The following PKN3 variants were observed in gnomAD, a reference collection of about 807,000 sequenced individuals.
The protein encoded by PKN3 is serine/threonine-protein kinase N3.
In PKN3, 91 loss-of-function variants were observed where a neutral mutation model predicts 113.1. That is an observed-to-expected ratio of 0.80 (90% CI 0.68 to 0.96). PKN3 has a LOEUF of 0.96. Ranked by LOEUF, PKN3 falls within the 40% of genes least tolerant of loss-of-function variation. The pLI, the probability that PKN3 is intolerant of heterozygous loss-of-function variation, is 0.00. For missense variants in PKN3, 1,052 were observed against 1,202.2 expected, an observed-to-expected ratio of 0.88 and a Z score of 1.85; for synonymous variants, 467 against 499.0, an observed-to-expected ratio of 0.94 and a Z score of 0.85.
Position 128,707,366 on chromosome 9 carries a change from C to T in PKN3, c.796C>T (p.Gln266Ter). 6.2e-7 allele frequency: 1 copy of T among 1,613,060 alleles called. No individual in the cohort carries two copies. The highest frequency in any genetic ancestry group is 8.5e-7 in the Non-Finnish European group (1 of 1,179,610). ...GCGGGCTGCGGTGCCTGGATACCCC[C>T]AGCCTTCAGGGACACCTGTGAAGCC... Reference protein sequence around the residue: ...ELRAAVPGYPQPSGTPVKPTA... With the variant: ...ELRAAVPGYP The change falls in exon 6 of 22, where the codon CAG (glutamine) becomes TAG (stop). Residue 266 changes from glutamine (Q) to a stop codon, truncating the protein, a stop_gained. Coordinates refer to ENST00000291906, the MANE Select transcript of PKN3 (RefSeq NM_013355.5). LOFTEE classifies it high-confidence loss of function.
intron 18 of PKN3, among the ~76,000 whole-genome samples, chr9:128,719,478 C>T (rs550385141): frequency 5.8e-4 from 88 of 152,178 alleles, no homozygotes; most frequent in Non-Finnish European, 1.1e-3. Flanking sequence ...TGTGAGCCAC[C>T]GCACCCAGCC....
intron 1 of PKN3, chr9:128,704,105 T>G (rs1861938463): frequency 1.0e-6 from 1 of 985,216 alleles, no homozygotes; most frequent in Non-Finnish European, 1.2e-6. Flanking sequence ...TCCACTGGGC[T>G]CAGGAGAAGA....
At chr9:128,709,238 A>C (rs753363343) in intron 6 of PKN3, among the ~76,000 whole-genome samples, 11 of 151,316 alleles carry the variant, frequency 7.3e-5, no homozygotes, top group Non-Finnish European at 1.6e-4. Flanking sequence ...GTGAGCCGAG[A>C]TCGCACCACT....
Position 128,713,606 on chromosome 9 carries a change from C to T in PKN3, c.1200C>T (p.Ser400=). The T allele has an allele frequency of 6.2e-7, 1 of 1,613,810 alleles. No individual in the cohort carries two copies. Among genetic ancestry groups the T allele is most frequent in the Non-Finnish European group, 8.5e-7 (1 of 1,180,008 alleles). Residue 400 remains serine (S), a synonymous_variant, in exon 9 of 22, where the codon TCC becomes TCT. Transcript: ENST00000291906. ...DFLDNACHQL[S]LSLVPQGLLF... ...TGGACAATGCCTGTCACCAACTGTC[C>T]CTCAGCCTGGTACCGCAGGGACTGC... is the stretch of plus-strand genomic sequence containing the variant.
rs1862479550 is a variant in PKN3, at chr9:128,719,987, G to A, written c.2346G>A (p.Leu782=). ...TGGACGCCCCCTACCCCGGCTTTCTGTCGGTGCAAGGGCTTGAGTTCATTC... is the reference window on the plus strand; with the variant it reads ...TGGACGCCCCCTACCCCGGCTTTCTATCGGTGCAAGGGCTTGAGTTCATTC... ...VNMDAPYPGF[L]SVQGLEFIQK... is the part of the protein sequence containing the mutation. Residue 782 remains leucine (L), a synonymous_variant, in exon 20 of 22, where the codon CTG becomes CTA. Transcript: ENST00000291906. 1.2e-5 allele frequency: 19 copies of A among 1,614,012 alleles called. No homozygotes were observed. Among genetic ancestry groups the A allele is most frequent in the Non-Finnish European group, 1.6e-5 (19 of 1,179,996 alleles).
At position 128,718,898 on chromosome 9, in the gene PKN3, G is replaced by GTTTTTTTTT. The variant is rs1564378313; in HGVS notation, c.2125+276_2125+277insTTTTTTTTT. Among the ~76,000 whole-genome samples, 6 of 24,580 alleles carry GTTTTTTTTT rather than the reference G, an allele frequency of 2.4e-4. 3 individuals carry two copies. The highest frequency in any genetic ancestry group is 1.8e-4 in the Non-Finnish European group (2 of 11,212). The allele number at this position is 24,580 out of a possible 152,430, so 16.1% of individuals were successfully genotyped here. On this transcript the variant is annotated intron_variant, in intron 18 of 21. Transcript: ENST00000291906. ...AGTTCTGCCTTCTGTTTTTTTTTTG[G>GTTTTTTTTT]TTTGTTTTTTTTTTTGAGACGGAGT...
Position 128,702,609 on chromosome 9 carries a change from C to G in PKN3, c.-307C>G, listed in dbSNP as rs975713888. On this transcript the variant is annotated 5_prime_UTR_variant, in exon 1 of 22. Coordinates refer to ENST00000291906, the MANE Select transcript of PKN3 (RefSeq NM_013355.5). ...GAGCGTCCAAACCGGGGGTGAGGCG[C>G]GGTCACGCCCAGCGGGAACCGCAGG... is the stretch of plus-strand genomic sequence containing the variant. 2.8e-6 allele frequency: 1 copy of G among 361,762 alleles called. No individual in the cohort carries two copies. The highest frequency in any genetic ancestry group is 2.1e-5 in the African/African-American group (1 of 46,662). The allele number at this position is 361,762 out of a possible 1,614,324, so 22.4% of individuals were successfully genotyped here. A position where few individuals can be genotyped will look rare whatever the true frequency, so the allele number is the denominator to read the frequency against.
At chr9:128,710,023 T>C (rs1862132545) in intron 6 of PKN3, 1 of 147,824 alleles carries the variant, frequency 6.8e-6, no homozygotes, top group Non-Finnish European at 1.5e-5. Flanking sequence ...CTTCCCGGAT[T>C]CATGCCATTC....
Position 128,714,799 on chromosome 9 carries a change from G to A in PKN3, c.1586G>A (p.Arg529His), listed in dbSNP as rs376943562. ...PQEPTSEETP[R>H]TKRPHMEPRT... is the part of the protein sequence containing the mutation. ...CCCTGAGCTCCTCTATACTCACAGC[G>A]CACCAAACGTCCCCATATGGAGCCT... Residue 529 changes from arginine (R) to histidine (H), a missense_variant and splice_region_variant, in exon 13 of 22, where the codon CGC becomes CAC. Around this residue, in one of 2 missense-constraint regions of PKN3, gnomAD observed 719 missense variants for 759.4 expected, o/e 0.95. Transcript: ENST00000291906. The A allele has an allele frequency of 9.9e-6, 16 of 1,613,624 alleles. No homozygotes were observed. Among genetic ancestry groups the A allele is most frequent in the Admixed American group, 5.0e-5 (3 of 60,018 alleles).
At chr9:128,711,949 G>A (rs547254304) in intron 6 of PKN3, among the ~76,000 whole-genome samples, 51 of 150,644 alleles carry the variant, frequency 3.4e-4, no homozygotes, top group African/African-American at 1.2e-3. Flanking sequence ...TTGCTCTGTC[G>A]CCCAGGCTGG....
Position 128,705,400 on chromosome 9 carries a change from G to GGC in PKN3, c.126_127dup (p.Val43AlafsTer66). 3 of 1,597,362 alleles carry GGC rather than the reference G, an allele frequency of 1.9e-6. No individual in the cohort carries two copies. Among genetic ancestry groups the GGC allele is most frequent in the Non-Finnish European group, 2.6e-6 (3 of 1,172,426 alleles). On this transcript the variant is annotated frameshift_variant, in exon 2 of 22. Coordinates refer to ENST00000291906, the MANE Select transcript of PKN3 (RefSeq NM_013355.5). LOFTEE classifies it high-confidence loss of function. The stretch of plus-strand genomic sequence containing the variant: ...ATCAAGGAGGGGGTGGAGAACCTGC[G>GGC]GCGCGTGGCCACAGACCGCCGCCAC...
In PKN3 at chr9:128,720,792, T is replaced by C; in HGVS notation, c.*186T>C. On this transcript the variant is annotated 3_prime_UTR_variant, in exon 22 of 22. Coordinates refer to ENST00000291906, the MANE Select transcript of PKN3 (RefSeq NM_013355.5). This position sits in a 1 kb window ranked among gnomAD's most constrained non-coding sequence, Gnocchi z 5.5. ...GTGTCACTGGGCAAAGTGTGTCCCTTCCCCCTCCAGCTCGCCCTCTTCTAC... is the reference window on the plus strand; with the variant it reads ...GTGTCACTGGGCAAAGTGTGTCCCTCCCCCCTCCAGCTCGCCCTCTTCTAC... The C allele has an allele frequency of 1.6e-6, 1 of 612,696 alleles. No individual in the cohort carries two copies. The highest frequency in any genetic ancestry group is 1.8e-5 in the African/African-American group (1 of 54,168). The allele number at this position is 612,696 out of a possible 1,614,324, so 38.0% of individuals were successfully genotyped here.
At position 128,715,177 on chromosome 9, in the gene PKN3, C is replaced by A; in HGVS notation, c.1658C>A (p.Pro553His). 4 of 1,614,034 alleles carry A rather than the reference C, an allele frequency of 2.5e-6. No individual in the cohort carries two copies. Among genetic ancestry groups the A allele is most frequent in the Non-Finnish European group, 3.4e-6 (4 of 1,179,974 alleles). The part of the protein sequence containing the change: ...PSPPASPTRK[P>H]PRLQDFRCLA... ...TACCCTCTCTTCCTTTGCAGGAAAC[C>A]CCCTCGGCTTCAGGACTTCCGCTGC... Residue 553 changes from proline to histidine, a missense_variant, in exon 14 of 22, where the codon CCC becomes CAC. Physicochemically the swap from Pro to His is moderately conservative, Grantham distance 77. Around this residue, in one of 2 missense-constraint regions of PKN3, gnomAD observed 719 missense variants for 759.4 expected, o/e 0.95. Transcript: ENST00000291906. This position sits in a 1 kb window ranked among gnomAD's most constrained non-coding sequence, Gnocchi z 4.1.
At chr9:128,713,235 C>A (rs776379112) in intron 7 of PKN3, 37 bp downstream of exon 7, 1 of 1,610,330 alleles carries the variant, frequency 6.2e-7, no homozygotes. Flanking sequence ...AGCAGGAGAC[C>A]CCTGCTTCAG....
chr9:128,708,843 GA>G (rs144556085), intron 6 of PKN3, among the ~76,000 whole-genome samples: 28 of 149,406 alleles, frequency 1.9e-4, no homozygotes, highest in South Asian at 6.3e-4. Context: ...ACTCTTTCAA[GA>G]AAAAAAAAAA....
chr9:128,720,727 A>C lies in PKN3; in HGVS notation c.*121A>C. On this transcript the variant is annotated 3_prime_UTR_variant, in exon 22 of 22. Transcript: ENST00000291906. The surrounding 1 kb of genome is among the most constrained non-coding windows in gnomAD (Gnocchi z 5.5). ...GGGTACTTCTGAGCCCTTGGGATTC[A>C]AAGTGGCAGCCATGGGGCCACTGTT... 1.2e-6 allele frequency: 1 copy of C among 865,066 alleles called. No homozygotes were observed. Among genetic ancestry groups the C allele is most frequent in the Non-Finnish European group, 1.8e-6 (1 of 561,808 alleles). 53.6% of individuals were successfully genotyped at this position (865,066 alleles called of 1,614,324 possible).
At chr9:128,703,454 G>A in intron 1 of PKN3, 1 of 985,400 alleles carries the variant, frequency 1.0e-6, no homozygotes, top group African/African-American at 1.7e-5. Flanking sequence ...CCCCGCCCCA[G>A]GGCGGGAACC....
intron 1 of PKN3, among the ~76,000 whole-genome samples, chr9:128,705,042 C>A (rs1293080877): frequency 6.6e-6 from 1 of 152,120 alleles, no homozygotes; most frequent in African/African-American, 2.4e-5. Context: ...GAACCTGGCA[C>A]CCATTTACCG....
intron 6 of PKN3, among the ~76,000 whole-genome samples, chr9:128,711,311 T>TC (rs1862168819): frequency 6.7e-6 from 1 of 150,032 alleles, no homozygotes; most frequent in Non-Finnish European, 1.5e-5. Context: ...CCACCTCTTT[T>TC]TTTTTTTTTT....
Sources: gnomAD v4.1 joint callset for allele counts (sites outside exome capture counted in the v4.1 genomes callset) on GRCh38, gnomAD v4.1.1 for gene constraint, gnomAD v4.1.1 regional missense constraint, Gnocchi (gnomAD v3.1) non-coding constraint, MANE v1.5 for transcripts, NCBI Gene and HGNC (gene_info 2026-07-23, HGNC 2026-07-21) for gene names.